NTRK2: variants seen among roughly 807,000 people sequenced by gnomAD.
NTRK2 encodes the protein BDNF/NT-3 growth factors receptor.
NTRK2 carries 13 observed loss-of-function variants against 94.5 expected under a neutral mutation model. The observed-to-expected ratio is 0.14, with a 90% CI of 0.09 to 0.22. The LOEUF is 0.22. NTRK2 is among the 10% of genes least tolerant of loss of function. The pLI is 1.00. For missense variants in NTRK2, 639 were observed against 1,071.2 expected (o/e 0.60, Z 5.63); for synonymous variants, 372 against 407.4 (o/e 0.91, Z 1.05).
chr9:85,007,171 G>C (rs1831064852), intron 17 of NTRK2, among the ~76,000 whole-genome samples: 1 of 152,232 alleles, frequency 6.6e-6, no homozygotes. Context: ...TTACCATTAT[G>C]ATCTAACAAG....
chr9:84,895,705 G>T (rs1364553070), intron 14 of NTRK2, among the ~76,000 whole-genome samples: 1 of 152,232 alleles, frequency 6.6e-6, no homozygotes, highest in East Asian at 1.9e-4. Context: ...AATCGATAGA[G>T]TGTTGAGAGA....
Position 84,948,504 on chromosome 9 carries a change from C to T in NTRK2, c.1807C>T (p.Arg603Cys), listed in dbSNP as rs2132882317. The T allele has an allele frequency of 6.2e-7, 1 of 1,614,126 alleles. No homozygotes were observed. The highest frequency in any genetic ancestry group is 8.5e-7 in the Non-Finnish European group (1 of 1,180,022). ...ASDNARKDFHREAELLTNLQH... is the reference protein window; with the variant it reads ...ASDNARKDFHCEAELLTNLQH... Reference sequence around the variant, plus strand: ...TGACAATGCACGCAAGGACTTCCACCGTGAGGCCGAGCTCCTGACCAACCT... The same window carrying T: ...TGACAATGCACGCAAGGACTTCCACTGTGAGGCCGAGCTCCTGACCAACCT... Residue 603 changes from arginine to cysteine, a missense_variant, in exon 16 of 19, where the codon CGT becomes TGT. By Grantham distance (180) the Arg-to-Cys change is radical. Coordinates refer to ENST00000277120, the MANE Select transcript of NTRK2 (RefSeq NM_006180.6).
chr9:84,759,337 G>A (rs1170176202), intron 12 of NTRK2, among the ~76,000 whole-genome samples: 1 of 152,232 alleles, frequency 6.6e-6, no homozygotes, highest in Non-Finnish European at 1.5e-5. Flanking sequence ...TTGAAAATGT[G>A]TGTCAGACTT....
In NTRK2 at chr9:84,861,088, G is replaced by A. The variant is rs756500934; in HGVS notation, c.1444+1G>A. ...AAAGTAAAATCAAGACAAGGTGTTG[G>A]TAAGTAGTTAACTCACTCCTTCTTT... is the stretch of plus-strand genomic sequence containing the variant. On this transcript the variant is annotated splice_donor_variant, in intron 13 of 18. Transcript: ENST00000277120. LOFTEE classifies it high-confidence loss of function. The A allele has an allele frequency of 6.2e-7, 1 of 1,611,126 alleles. No homozygotes were observed. Among genetic ancestry groups the A allele is most frequent in the Non-Finnish European group, 8.5e-7 (1 of 1,177,660 alleles).
At position 84,683,639 on chromosome 9, in the gene NTRK2, C is replaced by T. The variant is rs148831734; in HGVS notation, c.212+12679C>T. ...AAGTCTTTGCTATTGTAAATAGTGC[C>T]GCAATAAATATATGTGTGCATGTGT... On this transcript the variant is annotated intron_variant, in intron 2 of 18. Coordinates refer to ENST00000277120, the MANE Select transcript of NTRK2 (RefSeq NM_006180.6). Among the ~76,000 whole-genome samples the T allele has an allele frequency of 2.7e-3, 409 of 152,020 alleles. 3 individuals are homozygous for T. The highest frequency in any genetic ancestry group is 8.5e-3 in the African/African-American group (351 of 41,458).
At chr9:84,964,888 C>T (rs77438563) in intron 17 of NTRK2, among the ~76,000 whole-genome samples, 12,572 of 152,248 alleles carry the variant, frequency 0.083, 506 homozygotes, top group East Asian at 0.11. Flanking sequence ...AGTGAACTGC[C>T]TACAAGCTGC....
intron 12 of NTRK2, among the ~76,000 whole-genome samples, chr9:84,844,649 TCACACA>T (rs10562034): frequency 0.13 from 17,933 of 140,720 alleles, 1,161 homozygotes; most frequent in East Asian, 0.2. Flanking sequence ...AATACCTCAC[TCACACA>T]CACACACACA....
intron 17 of NTRK2, chr9:84,955,737 T>C (rs1255977339): frequency 3.1e-6 from 2 of 640,080 alleles, no homozygotes. Context: ...GGTGGCTGCC[T>C]TCTCACTATG....
In NTRK2 at chr9:84,931,725, A is replaced by AC. The variant is rs1161736193; in HGVS notation, c.1634-2437_1634-2436insC. On this transcript the variant is annotated intron_variant, in intron 14 of 18. Transcript: ENST00000277120. ...GGTATGTAATAAAATGCAAAAAAAAAAAAAACAAAAAAAACCAACGTTAAA... is the reference window on the plus strand; with the variant it reads ...GGTATGTAATAAAATGCAAAAAAAAACAAAAACAAAAAAAACCAACGTTAAA... Among the ~76,000 whole-genome samples the AC allele has an allele frequency of 3.3e-5, 5 of 151,532 alleles. No individual in the cohort carries two copies. In the South Asian group the frequency reaches 6.2e-4, roughly 19 times the overall value.
chr9:84,873,097 C>T (rs2075926691), intron 14 of NTRK2: 1 of 1,064,510 alleles, frequency 9.4e-7, no homozygotes, highest in South Asian at 4.6e-5. Flanking sequence ...CAGAGATTAT[C>T]TGCAGACTTC....
intron 14 of NTRK2, chr9:84,874,099 G>A (rs2075976383): frequency 2.8e-6 from 3 of 1,064,602 alleles, no homozygotes. Flanking sequence ...TGACTGGAGT[G>A]TGTGTACCAA....
intron 16 of NTRK2, among the ~76,000 whole-genome samples, chr9:84,954,372 G>T (rs1287028118): frequency 6.6e-6 from 1 of 152,236 alleles, no homozygotes; most frequent in African/African-American, 2.4e-5. Context: ...TCCCACCCTT[G>T]CAGGACTTGC....
chr9:84,826,078 C>T (rs2073168461), intron 12 of NTRK2, among the ~76,000 whole-genome samples: 1 of 152,172 alleles, frequency 6.6e-6, no homozygotes, highest in South Asian at 2.1e-4. Context: ...ACAGCAGAAG[C>T]AAAGATCTCT....
intron 8 of NTRK2, 139 bp from the exon 9 acceptor site, chr9:84,727,514 TG>T: frequency 1.2e-6 from 1 of 805,376 alleles, no homozygotes; most frequent in Non-Finnish European, 2.1e-6. Context: ...AAAATACTGA[TG>T]GATTCCAGAG....
chr9:84,767,921 C>A (rs754328989), intron 12 of NTRK2, among the ~76,000 whole-genome samples: 1 of 152,148 alleles, frequency 6.6e-6, no homozygotes, highest in Non-Finnish European at 1.5e-5. Flanking sequence ...TATGGGTTAG[C>A]AAACTCAGAG....
rs904210203 is a variant in NTRK2, at chr9:85,024,517, A to G, written c.*3080A>G. On this transcript the variant is annotated 3_prime_UTR_variant, in exon 19 of 19. Coordinates refer to ENST00000277120, the MANE Select transcript of NTRK2 (RefSeq NM_006180.6). ...AGGACGTTGAGACTCAGAGACATTCAGAGGCACGCTAGAGGTCTCCAGCCT... is the reference window on the plus strand; with the variant it reads ...AGGACGTTGAGACTCAGAGACATTCGGAGGCACGCTAGAGGTCTCCAGCCT... 27 of 232,838 alleles carry G rather than the reference A, an allele frequency of 1.2e-4. No homozygotes were observed. The East Asian group carries it at 1.6e-3, about 14-fold the overall frequency. 14.4% of individuals were successfully genotyped at this position (232,838 alleles called of 1,614,324 possible).
chr9:84,925,201 C>CT (rs562875058), intron 14 of NTRK2, among the ~76,000 whole-genome samples: 17,711 of 141,184 alleles, frequency 0.13, 1,198 homozygotes, highest in East Asian at 0.21. Flanking sequence ...TTCTCTTCTT[C>CT]TTTTTTTTTT....
At position 84,727,080 on chromosome 9, in the gene NTRK2, C is replaced by T. The variant is rs574219191; in HGVS notation, c.854-574C>T. The stretch of plus-strand genomic sequence containing the variant: ...ACTTTCAAAGAGTATTTACTATTGA[C>T]AATCAGTAATAAATGTTGATTTGTT... On this transcript the variant is annotated intron_variant, in intron 8 of 18. Coordinates refer to ENST00000277120, the MANE Select transcript of NTRK2 (RefSeq NM_006180.6). 4.9e-4 allele frequency among the ~76,000 whole-genome samples: 75 copies of T among 152,194 alleles called. 1 individual carries two copies. The highest frequency in any genetic ancestry group is 3.4e-3 in the Middle Eastern group (1 of 294).
chr9:84,735,346 T>C (rs2063180725), intron 9 of NTRK2, among the ~76,000 whole-genome samples: 2 of 152,224 alleles, frequency 1.3e-5, no homozygotes, highest in African/African-American at 4.8e-5. Context: ...ATGAAGATTA[T>C]GATTCAATGG....
Sources: gnomAD v4.1 joint callset for allele counts (sites outside exome capture counted in the v4.1 genomes callset) on GRCh38, gnomAD v4.1.1 for gene constraint, MANE v1.5 for transcripts, NCBI Gene and HGNC (gene_info 2026-07-23, HGNC 2026-07-21) for gene names.